CFAP99: variants seen among roughly 807,000 people sequenced by gnomAD.
CFAP99 encodes cilia and flagella associated protein 99, also known as cilia- and flagella-associated protein 99.
Under a neutral mutation model 82.7 loss-of-function variants are expected in CFAP99, and 84 were observed. The ratio of observed to expected loss-of-function variants is 1.02; its 90% CI spans 0.85 to 1.22. CFAP99 has a LOEUF of 1.22. Ranked by LOEUF, CFAP99 falls within the 50% of genes most tolerant of loss-of-function variation. The probability of loss-of-function intolerance (pLI) is 0.00; values close to 1 mark genes in which losing one functional copy is unlikely to be tolerated. For missense variants in CFAP99, 1,059 were observed against 983.5 expected, an observed-to-expected ratio of 1.08 and a Z score of -1.03; for synonymous variants, 456 against 429.5, an observed-to-expected ratio of 1.06 and a Z score of -0.76.
chr4:2,461,609 AG>A (rs1034242804), intron 14 of CFAP99, among the ~76,000 whole-genome samples: 8 of 152,176 alleles, frequency 5.3e-5, no homozygotes, highest in African/African-American at 1.7e-4. Context: ...GGTTGGTGTT[AG>A]GGTGCCTCCA....
At chr4:2,441,498 G>C (rs1734037435) in intron 4 of CFAP99, among the ~76,000 whole-genome samples, 1 of 152,188 alleles carries the variant, frequency 6.6e-6, no homozygotes, top group Non-Finnish European at 1.5e-5. Context: ...GCCCAGGACA[G>C]AGTGCTCAGG....
In CFAP99 at chr4:2,460,083, G is replaced by A. The variant is rs140239888; in HGVS notation, c.1502G>A (p.Arg501Gln). 223 of 1,536,100 alleles carry A rather than the reference G, an allele frequency of 1.5e-4. No individual in the cohort carries two copies. The highest frequency in any genetic ancestry group is 7.8e-4 in the East Asian group (32 of 40,914). The change falls in exon 14 of 15, where the codon CGA (arginine) becomes CAA (glutamine). Residue 501 changes from arginine (R) to glutamine (Q), a missense_variant. By Grantham distance (43) the Arg-to-Gln change is conservative (BLOSUM62 1). Transcript: ENST00000635017. Reference sequence around the variant, plus strand: ...GGAGAGATGTCCATAGTGGAGCTGCGAGAGCGGCTGGCCCTGCTCAAAGAG... The same window carrying A: ...GGAGAGATGTCCATAGTGGAGCTGCAAGAGCGGCTGGCCCTGCTCAAAGAG...
chr4:2,434,916 CAT>C (rs1392637393), intron 2 of CFAP99, among the ~76,000 whole-genome samples: 3 of 152,232 alleles, frequency 2.0e-5, no homozygotes, highest in Admixed American at 1.3e-4. Flanking sequence ...TTCTCATTCA[CAT>C]GTGTGGAAAC....
chr4:2,427,546 A>C (rs898544285), intron 2 of CFAP99: 1 of 152,362 alleles, frequency 6.6e-6, no homozygotes, highest in Non-Finnish European at 1.5e-5. Context: ...AAGTGTGCTA[A>C]TTCAGGCTGC....
exon 14 of CFAP99, chr4:2,460,063 G>A: frequency 6.5e-7 from 1 of 1,536,038 alleles, no homozygotes; most frequent in South Asian, 1.2e-5. Flanking sequence ...TGGAAGGAGA[G>A]ATGTCCATAG....
At chr4:2,453,970 T>C (rs1428413984) in intron 11 of CFAP99, among the ~76,000 whole-genome samples, 1 of 151,742 alleles carries the variant, frequency 6.6e-6, no homozygotes, top group African/African-American at 2.4e-5. Context: ...AGCACCACCA[T>C]GCATGGCTAA....
chr4:2,461,301 C>A (rs1734615226), intron 14 of CFAP99, among the ~76,000 whole-genome samples: 1 of 152,176 alleles, frequency 6.6e-6, no homozygotes, highest in Non-Finnish European at 1.5e-5. Context: ...TGTAGTAGAG[C>A]CTCGTTCAGA....
At chr4:2,426,295 C>T (rs115606237) in intron 1 of CFAP99, among the ~76,000 whole-genome samples, 164 bp from the exon 2 acceptor site, 2,263 of 149,206 alleles carry the variant, frequency 0.015, 51 homozygotes, top group African/African-American at 0.05. Context: ...ACATCCGGCC[C>T]TCCCCACTGC....
At chr4:2,429,252 G>T (rs1026487995) in intron 2 of CFAP99, 5 of 152,016 alleles carry the variant, frequency 3.3e-5, no homozygotes, top group African/African-American at 1.2e-4. Context: ...CCTTCCTCAA[G>T]CAAAAAGTGG....
At chr4:2,440,717 C>G (rs893472260) in intron 4 of CFAP99, among the ~76,000 whole-genome samples, 1 of 151,828 alleles carries the variant, frequency 6.6e-6, no homozygotes, top group Non-Finnish European at 1.5e-5. Context: ...CTCAGCCTCC[C>G]GAGTAGCTGG....
chr4:2,443,181 G>A, exon 5 of CFAP99: 1 of 1,535,844 alleles, frequency 6.5e-7, no homozygotes, highest in African/African-American at 1.4e-5. Context: ...GATCAAGGAT[G>A]AGTGGAGCCT....
chr4:2,451,201 G>A, intron 9 of CFAP99, 63 bp from the exon 10 acceptor site: 1 of 1,515,310 alleles, frequency 6.6e-7, no homozygotes, highest in Non-Finnish European at 8.9e-7. Context: ...AGGGCAGGAT[G>A]GGCATTTGCT....
intron 2 of CFAP99, among the ~76,000 whole-genome samples, chr4:2,433,214 G>C (rs554383881): frequency 6.6e-6 from 1 of 152,338 alleles, no homozygotes; most frequent in South Asian, 2.1e-4. Flanking sequence ...TCAAGGCTCC[G>C]ACCTTATGAA....
chr4:2,451,997 G>C (rs1038506087), intron 10 of CFAP99, 145 bp from the exon 11 acceptor site: 3 of 766,116 alleles, frequency 3.9e-6, no homozygotes, highest in Non-Finnish European at 6.5e-6. Context: ...GTCGGGGATA[G>C]GAGGAAGGGC....
At chr4:2,443,306 A>G in intron 5 of CFAP99, 64 bp downstream of exon 5, 1 of 995,058 alleles carries the variant, frequency 1.0e-6, no homozygotes, top group Non-Finnish European at 1.5e-6. Context: ...AGGTGCCTCC[A>G]CGGGCACGGG....
chr4:2,443,228 C>T (rs777376101), exon 5 of CFAP99: 295 of 1,534,474 alleles, frequency 1.9e-4, no homozygotes, highest in East Asian at 2.7e-4. Flanking sequence ...AGAACTGGAT[C>T]GACCCCCTGA....
chr4:2,449,739 C>T lies in CFAP99; in HGVS notation c.712C>T (p.Arg238Ter), dbSNP rs1373835096. The change falls in exon 7 of 15, where the codon CGA becomes TGA. Residue 238 changes from arginine (R) to a stop codon, truncating the protein, a stop_gained. Coordinates refer to ENST00000635017, the Ensembl canonical transcript of CFAP99. LOFTEE classifies it high-confidence loss of function. ...GGAGACAGTCAAGAGGTACAACCGC[C>T]GAAAGGCCGAGGTGAGCTGTGTGCG... 12 of 1,536,024 alleles carry T rather than the reference C, an allele frequency of 7.8e-6. No homozygotes were observed. The highest frequency in any genetic ancestry group is 2.4e-5 in the East Asian group (1 of 40,918).
chr4:2,444,999 GTCCATCCCACTA>G, intron 5 of CFAP99, 120 bp from the exon 6 acceptor site: 1 of 543,880 alleles, frequency 1.8e-6, no homozygotes, highest in East Asian at 3.5e-5. Context: ...AAGTGAGGCC[GTCCATCCCACTA>G]TCACCTCCAC....
rs1185877263 is a variant in CFAP99, at chr4:2,451,038, G to A, written c.867+20G>A. 6.5e-6 allele frequency: 10 copies of A among 1,533,142 alleles called. No homozygotes were observed. The highest frequency in any genetic ancestry group is 8.7e-6 in the Non-Finnish European group (10 of 1,145,392). The allele number at this position is 1,533,142 out of a possible 1,614,324, so 95.0% of individuals were successfully genotyped here. ...TATAGGGTGAGGGGTGCTCCTGGATGGTCAGGCTGCTCTCCCTGGGCACCC... is the reference window on the plus strand; with the variant it reads ...TATAGGGTGAGGGGTGCTCCTGGATAGTCAGGCTGCTCTCCCTGGGCACCC... On this transcript the variant is annotated intron_variant, in intron 9 of 14. Transcript: ENST00000635017.
Sources: gnomAD v4.1 joint callset for allele counts (sites outside exome capture counted in the v4.1 genomes callset) on GRCh38, gnomAD v4.1.1 for gene constraint, MANE v1.5 for transcripts, NCBI Gene and HGNC (gene_info 2026-07-23, HGNC 2026-07-21) for gene names.